THAP12: variants seen among roughly 807,000 people sequenced by gnomAD.
THAP12 encodes 52 kDa repressor of the inhibitor of the protein kinase.
A neutral mutation model predicts 63.0 loss-of-function variants in THAP12; 20 were observed. That is an observed-to-expected ratio of 0.32 (90% CI 0.22 to 0.46). The LOEUF is 0.46. Ranked by LOEUF, THAP12 falls within the 20% of genes least tolerant of loss-of-function variation. THAP12 has a pLI of 1.00. For missense variants in THAP12, 568 were observed against 908.2 expected (o/e 0.63, Z 4.81); for synonymous variants, 264 against 328.4 (o/e 0.80, Z 2.12).
chr11:76,361,143 T>G, intron 2 of THAP12, 80 bp from the exon 3 acceptor site: 1 of 835,942 alleles, frequency 1.2e-6, no homozygotes, highest in Non-Finnish European at 1.9e-6. Flanking sequence ...GTTAATGACC[T>G]CCACAATATT....
intron 3 of THAP12, chr11:76,358,799 C>A (rs1368821401): frequency 1.3e-5 from 2 of 151,880 alleles, no homozygotes; most frequent in African/African-American, 4.8e-5. Context: ...CAGAGTGAGA[C>A]CCCATCTTAA....
chr11:76,363,369 C>A (rs1442820843), intron 2 of THAP12, among the ~76,000 whole-genome samples: 1 of 145,298 alleles, frequency 6.9e-6, no homozygotes, highest in Non-Finnish European at 1.5e-5. Context: ...CTGATGAAAT[C>A]TTTTTTTTTT....
chr11:76,352,853 A>C lies in THAP12; in HGVS notation c.356-59T>G, dbSNP rs909902023. The C allele has an allele frequency of 1.6e-5, 24 of 1,476,130 alleles. No individual in the cohort carries two copies. The African/African-American group carries it at 3.3e-4, about 20-fold the overall frequency. 91.4% of individuals were successfully genotyped at this position (1,476,130 alleles called of 1,614,324 possible). ...TCATGAAAAACCATACACAACAAAA[A>C]ATATTACATCTTTGGTTAAATATTT... On this transcript the variant is annotated intron_variant, in intron 4 of 4. Coordinates refer to ENST00000260045, the MANE Select transcript of THAP12 (RefSeq NM_004705.4).
intron 1 of THAP12, among the ~76,000 whole-genome samples, chr11:76,377,697 T>C (rs767717136): frequency 6.6e-6 from 1 of 152,254 alleles, no homozygotes; most frequent in African/African-American, 2.4e-5. Flanking sequence ...AGTGCTGCTA[T>C]GAATGTGTGT....
chr11:76,376,947 C>G (rs752083922), intron 1 of THAP12, among the ~76,000 whole-genome samples: 3 of 152,124 alleles, frequency 2.0e-5, no homozygotes, highest in African/African-American at 7.2e-5. Context: ...AGGAAGATAA[C>G]GCATAATGGG....
intron 1 of THAP12, among the ~76,000 whole-genome samples, chr11:76,379,769 G>C: frequency 6.6e-6 from 1 of 151,572 alleles, no homozygotes; most frequent in East Asian, 1.9e-4. Context: ...CCCCCCATTA[G>C]AATGTAATCT....
Position 76,367,639 on chromosome 11 carries a change from T to C in THAP12, c.90-1667A>G, listed in dbSNP as rs564800416. Among the ~76,000 whole-genome samples, 201 of 151,040 alleles carry C rather than the reference T, an allele frequency of 1.3e-3. 2 individuals are homozygous for C. Among genetic ancestry groups the C allele is most frequent in the African/African-American group, 4.6e-3 (191 of 41,082 alleles). On this transcript the variant is annotated intron_variant, in intron 1 of 4. Transcript: ENST00000260045. ...GGTTTCAGCACGTTGGCTAGCTTGG[T>C]CTCGAACTCCAGATCGCAGGTGATC...
At chr11:76,375,096 C>T (rs1445944628) in intron 1 of THAP12, among the ~76,000 whole-genome samples, 1 of 152,206 alleles carries the variant, frequency 6.6e-6, no homozygotes, top group African/African-American at 2.4e-5. Context: ...GGCACCCTCA[C>T]GAGTCCCCAG....
At chr11:76,364,768 C>A (rs923384629) in intron 2 of THAP12, among the ~76,000 whole-genome samples, 1 of 152,028 alleles carries the variant, frequency 6.6e-6, no homozygotes, top group African/African-American at 2.4e-5. Context: ...TCCACATTAC[C>A]TGGATAATTT....
chr11:76,362,153 A>C (rs2134505375), intron 2 of THAP12, among the ~76,000 whole-genome samples: 1 of 152,358 alleles, frequency 6.6e-6, no homozygotes, highest in African/African-American at 2.4e-5. Flanking sequence ...AACTGCTATT[A>C]CACTCCCCTC....
intron 2 of THAP12, among the ~76,000 whole-genome samples, chr11:76,362,642 C>T (rs933094380): frequency 2.0e-4 from 31 of 152,202 alleles, no homozygotes; most frequent in African/African-American, 7.5e-4. Flanking sequence ...CCATCTTTCA[C>T]ACCGAGCAAA....
chr11:76,363,553 A>C (rs995033749), intron 2 of THAP12, among the ~76,000 whole-genome samples: 1 of 150,586 alleles, frequency 6.6e-6, no homozygotes, highest in Non-Finnish European at 1.5e-5. Context: ...CAAAACTCTT[A>C]AACATTTAGA....
chr11:76,355,054 C>T (rs2134499899), intron 4 of THAP12, among the ~76,000 whole-genome samples: 1 of 152,228 alleles, frequency 6.6e-6, no homozygotes, highest in Non-Finnish European at 1.5e-5. Context: ...CAATAAAATG[C>T]TACGTTAATA....
chr11:76,372,302 G>A (rs921083795), intron 1 of THAP12, among the ~76,000 whole-genome samples: 19 of 151,886 alleles, frequency 1.3e-4, no homozygotes, highest in African/African-American at 4.6e-4. Context: ...AACCATCACT[G>A]ATTACTTCTT....
chr11:76,370,048 G>T (rs1946659795), intron 1 of THAP12, among the ~76,000 whole-genome samples: 1 of 152,364 alleles, frequency 6.6e-6, no homozygotes, highest in South Asian at 2.1e-4. Flanking sequence ...TACATTTGGG[G>T]AGGGTAACAA....
chr11:76,367,185 T>C (rs1289114301), intron 1 of THAP12, among the ~76,000 whole-genome samples: 1 of 152,000 alleles, frequency 6.6e-6, no homozygotes, highest in Non-Finnish European at 1.5e-5. Flanking sequence ...CAAGCGATTC[T>C]CCTGTCTCAG....
At chr11:76,360,230 G>C (rs1429347312) in intron 3 of THAP12, among the ~76,000 whole-genome samples, 1 of 152,218 alleles carries the variant, frequency 6.6e-6, no homozygotes, top group Non-Finnish European at 1.5e-5. Context: ...AAAGCACACA[G>C]TAGGTGGACT....
chr11:76,379,248 C>T (rs1946732337), intron 1 of THAP12, among the ~76,000 whole-genome samples: 1 of 152,186 alleles, frequency 6.6e-6, no homozygotes, highest in Non-Finnish European at 1.5e-5. Flanking sequence ...TTTACCATCT[C>T]CTCCTCTATT....
chr11:76,375,437 G>A (rs919142831), intron 1 of THAP12, among the ~76,000 whole-genome samples: 7 of 150,972 alleles, frequency 4.6e-5, no homozygotes, highest in African/African-American at 1.7e-4. Context: ...CCTAAGCTGG[G>A]TTGATTATTT....
Sources: gnomAD v4.1 joint callset for allele counts (sites outside exome capture counted in the v4.1 genomes callset) on GRCh38, gnomAD v4.1.1 for gene constraint, MANE v1.5 for transcripts, NCBI Gene and HGNC (gene_info 2026-07-23, HGNC 2026-07-21) for gene names.